Variants in OR56A3 observed in about 807,000 individuals in gnomAD.
OR56A3 encodes the protein olfactory receptor family 56 subfamily A member 3.
Under a neutral mutation model 17.5 loss-of-function variants are expected in OR56A3, and 23 were observed. That is an observed-to-expected ratio of 1.32 (90% CI 0.95 to 1.87). OR56A3 has a LOEUF of 1.87. Among genes scored for constraint, OR56A3 ranks in the 40% most tolerant of loss-of-function variants. The pLI, the probability that OR56A3 is intolerant of heterozygous loss-of-function variation, is 0.00. For missense variants in OR56A3, 366 were observed against 380.1 expected, an observed-to-expected ratio of 0.96 and a Z score of 0.31; for synonymous variants, 175 against 150.6, an observed-to-expected ratio of 1.16 and a Z score of -1.19.
chr11:5,942,620 C>T (rs535090873), intron 1 of OR56A3, among the ~76,000 whole-genome samples: 1 of 152,296 alleles, frequency 6.6e-6, no homozygotes, highest in Admixed American at 6.5e-5. Flanking sequence ...GTTAGAATTA[C>T]ATTAGTTTCT....
downstream of OR56A3, among the ~76,000 whole-genome samples, chr11:5,955,097 C>T (rs1467543068): frequency 2.0e-5 from 3 of 152,022 alleles, no homozygotes; most frequent in Non-Finnish European, 2.9e-5. Flanking sequence ...ATATGCAGGG[C>T]CAGAATGTGT....
the OR56A3 span, among the ~76,000 whole-genome samples, chr11:6,019,001 C>G: frequency 6.6e-6 from 1 of 151,774 alleles, no homozygotes; most frequent in African/African-American, 2.4e-5. Flanking sequence ...GAAAATACCA[C>G]TAGTGAGTAA....
At position 5,947,770 on chromosome 11, in the gene OR56A3, G is replaced by T. The variant is rs1488673467; in HGVS notation, c.424G>T (p.Asp142Tyr). The T allele has an allele frequency of 2.5e-6, 4 of 1,614,100 alleles. No homozygotes were observed. The highest frequency in any genetic ancestry group is 3.4e-6 in the Non-Finnish European group (4 of 1,180,018). Residue 142 changes from aspartate to tyrosine, a missense_variant, in exon 3 of 3, where the codon GAT becomes TAT. Asp to Tyr is a radical substitution (Grantham distance 160). Coordinates refer to ENST00000641160, the MANE Select transcript of OR56A3 (RefSeq NM_001003443.3). ...HPLRYPSIIT[D>Y]HFVVKAAMFI... ...ACTGAGATATCCATCAATCATCACT[G>T]ATCACTTTGTAGTCAAGGCTGCCAT...
At chr11:6,005,547 G>A in the OR56A3 span, among the ~76,000 whole-genome samples, 9 of 152,128 alleles carry the variant, frequency 5.9e-5, no homozygotes, top group Non-Finnish European at 1.2e-4. Context: ...GAAAAGGAAC[G>A]TGATATGCAA....
At chr11:5,972,373 A>C in the OR56A3 span, among the ~76,000 whole-genome samples, 1 of 152,100 alleles carries the variant, frequency 6.6e-6, no homozygotes, top group Non-Finnish European at 1.5e-5. Flanking sequence ...GGATTAATAT[A>C]AGCATGAGGA....
the OR56A3 span, among the ~76,000 whole-genome samples, chr11:5,962,729 G>A: frequency 6.6e-6 from 1 of 151,942 alleles, no homozygotes; most frequent in Admixed American, 6.5e-5. Context: ...TAGTAGAGAT[G>A]GGGTTTCACC....
chr11:5,997,264 G>T, the OR56A3 span, among the ~76,000 whole-genome samples: 1 of 152,166 alleles, frequency 6.6e-6, no homozygotes, highest in African/African-American at 2.4e-5. Flanking sequence ...CCCCAGACTT[G>T]CTGCATTTCT....
At chr11:5,981,765 T>C in the OR56A3 span, among the ~76,000 whole-genome samples, 1 of 152,236 alleles carries the variant, frequency 6.6e-6, no homozygotes, top group Non-Finnish European at 1.5e-5. Context: ...GTTCTTATGC[T>C]GGTTTTTCCT....
the OR56A3 span, among the ~76,000 whole-genome samples, chr11:5,969,106 T>C: frequency 1.3e-5 from 2 of 152,210 alleles, no homozygotes; most frequent in Non-Finnish European, 2.9e-5. Flanking sequence ...CCTATCACTC[T>C]GACATATGGT....
chr11:5,961,014 C>G, the OR56A3 span, among the ~76,000 whole-genome samples: 2 of 151,680 alleles, frequency 1.3e-5, no homozygotes, highest in African/African-American at 4.8e-5. Context: ...AAGTGAGGAG[C>G]CCCTCCGCCC....
At chr11:5,971,967 A>G in the OR56A3 span, among the ~76,000 whole-genome samples, 35 of 152,332 alleles carry the variant, frequency 2.3e-4, no homozygotes, top group African/African-American at 8.4e-4. Flanking sequence ...AACTAGGGCT[A>G]TTAGGGAAAA....
chr11:5,992,361 A>C, the OR56A3 span, among the ~76,000 whole-genome samples: 2 of 152,096 alleles, frequency 1.3e-5, no homozygotes, highest in Admixed American at 6.5e-5. Context: ...TTCAATCTTA[A>C]ACAACACTGA....
At chr11:6,017,152 T>C in the OR56A3 span, 1 of 152,080 alleles carries the variant, frequency 6.6e-6, no homozygotes. Context: ...CCCTTTGTGA[T>C]AAATGTGACA....
At chr11:5,986,447 T>A in the OR56A3 span, 3 of 1,613,828 alleles carry the variant, frequency 1.9e-6, no homozygotes, top group Admixed American at 1.7e-5. Context: ...ACCATTCCGA[T>A]GCGCCCTATG....
At chr11:6,010,384 CA>C in the OR56A3 span, among the ~76,000 whole-genome samples, 1 of 152,244 alleles carries the variant, frequency 6.6e-6, no homozygotes, top group East Asian at 1.9e-4. Flanking sequence ...CTACCTAATA[CA>C]AAAGTATTAA....
At chr11:5,998,130 G>T in the OR56A3 span, among the ~76,000 whole-genome samples, 1 of 152,170 alleles carries the variant, frequency 6.6e-6, no homozygotes, top group Non-Finnish European at 1.5e-5. Flanking sequence ...CAATTGTGTT[G>T]CAGACAATGG....
At chr11:5,946,419 A>C (rs1448230763) in intron 2 of OR56A3, among the ~76,000 whole-genome samples, 1 of 152,236 alleles carries the variant, frequency 6.6e-6, no homozygotes, top group Non-Finnish European at 1.5e-5. Context: ...ATAAGGGAAT[A>C]ATGGCAACAC....
the OR56A3 span, chr11:5,994,740 C>T: frequency 4.4e-5 from 35 of 801,194 alleles, 1 homozygote; most frequent in African/African-American, 8.4e-5. Context: ...ACAGTATTTG[C>T]GAAGATCTGA....
the OR56A3 span, among the ~76,000 whole-genome samples, chr11:5,996,575 A>C: frequency 6.6e-6 from 1 of 151,996 alleles, no homozygotes; most frequent in African/African-American, 2.4e-5. Context: ...ATTCCTCCAA[A>C]TGTGGTAATA....
Sources: gnomAD v4.1 joint callset for allele counts (sites outside exome capture counted in the v4.1 genomes callset) on GRCh38, gnomAD v4.1.1 for gene constraint, MANE v1.5 for transcripts, NCBI Gene and HGNC (gene_info 2026-07-23, HGNC 2026-07-21) for gene names.